HTR2C: variants seen among roughly 807,000 people sequenced by gnomAD.
HTR2C encodes 5-hydroxytryptamine (serotonin) receptor 2C, G protein-coupled.
In HTR2C, 5 loss-of-function variants were observed where a neutral mutation model predicts 21.0. That is an observed-to-expected ratio of 0.24 (90% CI 0.12 to 0.50). The LOEUF is 0.50. Ranked by LOEUF, HTR2C falls within the 20% of genes least tolerant of loss-of-function variation. The pLI, the probability that HTR2C is intolerant of heterozygous loss-of-function variation, is 0.98. For synonymous variants in HTR2C, 150 were observed against 145.3 expected, an observed-to-expected ratio of 1.03 and a Z score of -0.23; for missense variants, 271 against 371.2, an observed-to-expected ratio of 0.73 and a Z score of 2.22.
chrX:114,649,834 C>T (rs782588824), intron 2 of HTR2C, among the ~76,000 whole-genome samples: 1 of 110,737 alleles, frequency 9.0e-6, no homozygotes, highest in East Asian at 2.9e-4. Flanking sequence ...AGGCTGGTAA[C>T]GAACTCCTGA....
chrX:114,869,333 T>A (rs1556475666), intron 5 of HTR2C, among the ~76,000 whole-genome samples: 1 of 112,032 alleles, frequency 8.9e-6, no homozygotes, highest in Non-Finnish European at 1.9e-5. Flanking sequence ...GTAGCATGAT[T>A]TATAATCCTT....
At chrX:114,628,405 A>ATTTTTTTTTTTTTTTTTT (rs35975864) in intron 2 of HTR2C, among the ~76,000 whole-genome samples, 2 of 43,909 alleles carry the variant, frequency 4.6e-5, no homozygotes, top group Non-Finnish European at 7.4e-5. Context: ...TGCCAGGCTA[A>ATTTTTTTTTTTTTTTTTT]TTTTTTTTTT....
At chrX:114,838,300 A>G (rs1255528448) in intron 4 of HTR2C, among the ~76,000 whole-genome samples, 4 of 111,414 alleles carry the variant, frequency 3.6e-5, no homozygotes, top group Admixed American at 1.9e-4. Flanking sequence ...TTTCATGGCT[A>G]TTCATCTTTT....
intron 2 of HTR2C, among the ~76,000 whole-genome samples, chrX:114,686,449 C>T (rs1409548938): frequency 9.0e-6 from 1 of 111,181 alleles, no homozygotes; most frequent in African/African-American, 3.3e-5. Context: ...TTTAGTGAGG[C>T]TGAAGGTCCA....
intron 1 of HTR2C, among the ~76,000 whole-genome samples, chrX:114,604,559 A>G (rs1418083849): frequency 9.0e-6 from 1 of 110,815 alleles, no homozygotes; most frequent in African/African-American, 3.3e-5. Flanking sequence ...GGGCAGTGTC[A>G]GTCTTCAGCC....
At chrX:114,818,744 T>A (rs985785169) in intron 4 of HTR2C, among the ~76,000 whole-genome samples, 1 of 111,756 alleles carries the variant, frequency 8.9e-6, no homozygotes, top group South Asian at 3.7e-4. Flanking sequence ...TTAAAGATTG[T>A]CTATGGCTGA....
chrX:114,628,909 A>G (rs1929497642), intron 2 of HTR2C, among the ~76,000 whole-genome samples: 1 of 112,183 alleles, frequency 8.9e-6, no homozygotes. Context: ...GGGTACTACA[A>G]CTGCTTTTCA....
At chrX:114,856,979 G>T (rs990784354) in intron 5 of HTR2C, among the ~76,000 whole-genome samples, 1 of 111,192 alleles carries the variant, frequency 9.0e-6, no homozygotes, top group African/African-American at 3.3e-5. Context: ...CTATTGAAAA[G>T]GTTTCAGAGA....
intron 4 of HTR2C, among the ~76,000 whole-genome samples, chrX:114,799,022 T>C (rs1437552669): frequency 4.6e-5 from 5 of 109,786 alleles, no homozygotes; most frequent in African/African-American, 9.9e-5. Flanking sequence ...TAACACATGA[T>C]TCCTAACCTT....
At chrX:114,617,061 C>G (rs968786814) in intron 2 of HTR2C, among the ~76,000 whole-genome samples, 8 of 112,256 alleles carry the variant, frequency 7.1e-5, no homozygotes, top group Non-Finnish European at 1.5e-4. Context: ...TTAACAGAAT[C>G]TGTTTTCAAT....
intron 5 of HTR2C, among the ~76,000 whole-genome samples, chrX:114,900,800 A>G (rs2071331967): frequency 8.9e-6 from 1 of 111,759 alleles, no homozygotes; most frequent in African/African-American, 3.3e-5. Context: ...CTTCACTATA[A>G]TTGTTCTCTC....
At chrX:114,591,104 A>C (rs782327110) in intron 1 of HTR2C, among the ~76,000 whole-genome samples, 182 of 111,542 alleles carry the variant, frequency 1.6e-3, no homozygotes, top group African/African-American at 5.8e-3. Flanking sequence ...TATCTTAATT[A>C]AACAGTTAAT....
At chrX:114,587,093 C>T (rs1263458981) in intron 1 of HTR2C, among the ~76,000 whole-genome samples, 4 of 111,699 alleles carry the variant, frequency 3.6e-5, no homozygotes, top group Non-Finnish European at 3.8e-5. Context: ...TTCAAGGAAA[C>T]GTCATCCCTC....
chrX:114,604,078 T>C (rs1381243714), intron 1 of HTR2C, among the ~76,000 whole-genome samples: 2 of 107,792 alleles, frequency 1.9e-5, no homozygotes, highest in East Asian at 6.0e-4. Flanking sequence ...GATTAGGTTT[T>C]AATGAGATGG....
At chrX:114,802,977 C>T (rs1390381343) in intron 4 of HTR2C, among the ~76,000 whole-genome samples, 5 of 80,668 alleles carry the variant, frequency 6.2e-5, no homozygotes, top group African/African-American at 9.0e-5. Flanking sequence ...TGAGAATATG[C>T]GGTGTTTGGT....
intron 4 of HTR2C, among the ~76,000 whole-genome samples, chrX:114,771,926 A>G (rs1556436984): frequency 1.8e-5 from 2 of 112,163 alleles, no homozygotes; most frequent in Admixed American, 1.9e-4. Flanking sequence ...AAAGTGTTCT[A>G]AGGATGGGGC....
At chrX:114,833,667 A>G (rs1248453521) in intron 4 of HTR2C, among the ~76,000 whole-genome samples, 4 of 109,731 alleles carry the variant, frequency 3.6e-5, no homozygotes, top group Non-Finnish European at 7.6e-5. Flanking sequence ...GGATTCATTA[A>G]TTTTTTGAAG....
At chrX:114,608,620 T>A (rs782056298) in intron 1 of HTR2C, among the ~76,000 whole-genome samples, 14 of 112,014 alleles carry the variant, frequency 1.2e-4, no homozygotes, top group African/African-American at 4.2e-4. Context: ...AAGTTCTTAA[T>A]TTTTTCACAC....
At chrX:114,763,936 C>T (rs1368437416) in intron 4 of HTR2C, among the ~76,000 whole-genome samples, 7 of 111,250 alleles carry the variant, frequency 6.3e-5, no homozygotes, top group Admixed American at 9.6e-5. Flanking sequence ...ATTTCTTTAC[C>T]GGGTAAGTTT....
Sources: allele counts gnomAD v4.1 joint callset (sites outside exome capture counted in the v4.1 genomes callset), GRCh38; gene constraint gnomAD v4.1.1; transcripts MANE v1.5; gene names NCBI Gene and HGNC (gene_info 2026-07-23, HGNC 2026-07-21).